Variants in BDP1 observed in about 807,000 individuals in gnomAD.
The protein encoded by BDP1 is transcription factor TFIIIB component B'' homolog.
A neutral mutation model predicts 266.6 loss-of-function variants in BDP1; 169 were observed. That is an observed-to-expected ratio of 0.63 (90% CI 0.56 to 0.72). The LOEUF is 0.72. Ranked by LOEUF, BDP1 falls within the 30% of genes least tolerant of loss-of-function variation. BDP1 has a pLI of 0.00. For missense variants in BDP1, 3,015 were observed against 3,053.8 expected (o/e 0.99, Z 0.30); for synonymous variants, 1,090 against 1,022.4 (o/e 1.07, Z -1.26).
chr5:71,524,031 G>A lies in BDP1; in HGVS notation c.5480G>A (p.Arg1827His). ...ISSTSEYERNRGERRSHKKFK... is the reference protein window; with the variant it reads ...ISSTSEYERNHGERRSHKKFK... ...TCTACATCTGAGTATGAGAGAAATC[G>A]TGGTGAAAGGAGAAGTCATAAAAAG... The change falls in exon 25 of 39, where the codon CGT (arginine) becomes CAT (histidine). Residue 1827 changes from arginine (R) to histidine (H), a missense_variant. Transcript: ENST00000358731. The A allele has an allele frequency of 1.9e-6, 3 of 1,614,184 alleles. No homozygotes were observed. Among genetic ancestry groups the A allele is most frequent in the East Asian group, 2.2e-5 (1 of 44,886 alleles).
In BDP1 at chr5:71,489,476, A is replaced by G. The variant is rs377489969; in HGVS notation, c.1286A>G (p.Glu429Gly). The part of the protein sequence containing the change: ...ESMSSRISDT[E>G]RSQKDAQTVE... ...ATGAGTTCTAGAATTTCAGACACGG[A>G]AAGATCTCAGAAGGATGCTCAGACA... The change falls in exon 10 of 39, where the codon GAA (glutamate) becomes GGA (glycine). Residue 429 changes from glutamate to glycine, a missense_variant. Physicochemically the swap from Glu to Gly is moderately conservative, Grantham distance 98 (BLOSUM62 -2). Around this residue, in one of 3 missense-constraint regions of BDP1, gnomAD observed 2,383 missense variants for 2,404.9 expected, o/e 0.99. Coordinates refer to ENST00000358731, the MANE Select transcript of BDP1 (RefSeq NM_018429.3). The G allele has an allele frequency of 6.2e-7, 1 of 1,614,112 alleles. No homozygotes were observed. The highest frequency in any genetic ancestry group is 8.5e-7 in the Non-Finnish European group (1 of 1,179,942).
intron 38 of BDP1, 169 bp downstream of exon 38, chr5:71,562,689 G>A: frequency 6.7e-7 from 1 of 1,488,540 alleles, no homozygotes; most frequent in South Asian, 1.2e-5. Context: ...AAGAAAAGGT[G>A]TTGAGTCAGG....
At chr5:71,478,164 C>G (rs901781349) in intron 7 of BDP1, among the ~76,000 whole-genome samples, 1 of 152,062 alleles carries the variant, frequency 6.6e-6, no homozygotes, top group Non-Finnish European at 1.5e-5. Context: ...GCAGGAGAGT[C>G]GCTTGAACCC....
At chr5:71,569,484 C>T (rs993522338), downstream of BDP1, among the ~76,000 whole-genome samples, 8 of 151,960 alleles carry the variant, frequency 5.3e-5, no homozygotes, top group East Asian at 1.9e-4. Context: ...CAGTGGCTCA[C>T]GCCTGTAATC....
rs1433640467 is a variant in BDP1 at position 71,495,424 on chromosome 5, G to A, written c.1799+16G>A. On this transcript the variant is annotated intron_variant, in intron 12 of 38. Coordinates refer to ENST00000358731, the MANE Select transcript of BDP1 (RefSeq NM_018429.3). Reference sequence around the variant, plus strand: ...ATAATTCACTGTAAGTATTTTATACGATAGGATTTATTTATAAAATTTTGA... The same window carrying A: ...ATAATTCACTGTAAGTATTTTATACAATAGGATTTATTTATAAAATTTTGA... 4 of 1,515,878 alleles carry A rather than the reference G, an allele frequency of 2.6e-6. No individual in the cohort carries two copies. The African/African-American group carries it at 4.1e-5, about 16-fold the overall frequency. The allele number at this position is 1,515,878 out of a possible 1,614,324, so 93.9% of individuals were successfully genotyped here.
In BDP1 at chr5:71,510,930, G is replaced by A. The variant is rs1350820188; in HGVS notation, c.3838G>A (p.Ala1280Thr). 3 of 1,614,136 alleles carry A rather than the reference G, an allele frequency of 1.9e-6. No homozygotes were observed. The South Asian group carries it at 3.3e-5, about 18-fold the overall frequency. Residue 1280 changes from alanine to threonine, a missense_variant, in exon 17 of 39, where the codon GCA becomes ACA. Physicochemically the swap from Ala to Thr is moderately conservative, Grantham distance 58 (BLOSUM62 0). This residue lies in a region of BDP1 where 2,383 missense variants were observed against 2,404.9 expected (regional missense o/e 0.99). Coordinates refer to ENST00000358731, the MANE Select transcript of BDP1 (RefSeq NM_018429.3). ...GATGGCTGTTGTTGAAGAAATGGAGGCAGATTTGAAAGAAACTGGAAAAGA... is the reference window on the plus strand; with the variant it reads ...GATGGCTGTTGTTGAAGAAATGGAGACAGATTTGAAAGAAACTGGAAAAGA... ...GKMAVVEEMEADLKETGKENF... is the reference protein window; with the variant it reads ...GKMAVVEEMETDLKETGKENF...
rs1764327003 is a variant in BDP1, at chr5:71,502,748, C to A, written c.2198C>A (p.Ala733Asp). The A allele has an allele frequency of 6.2e-7, 1 of 1,613,522 alleles. No individual in the cohort carries two copies. Among genetic ancestry groups the A allele is most frequent in the African/African-American group, 1.3e-5 (1 of 74,790 alleles). The part of the protein sequence containing the change: ...EILISQEEIG[A>D]NVEKNENESC... Reference sequence around the variant, plus strand: ...CTCATATCACAGGAAGAAATTGGGGCCAATGTAGAGAAGAATGAAAATGAA... The same window carrying A: ...CTCATATCACAGGAAGAAATTGGGGACAATGTAGAGAAGAATGAAAATGAA... Residue 733 changes from alanine (A) to aspartate (D), a missense_variant, in exon 15 of 39, where the codon GCC becomes GAC. By Grantham distance (126) the Ala-to-Asp change is moderately radical. This residue lies in a region of BDP1 where 2,383 missense variants were observed against 2,404.9 expected (regional missense o/e 0.99). Coordinates refer to ENST00000358731, the MANE Select transcript of BDP1 (RefSeq NM_018429.3).
Position 71,512,223 on chromosome 5 carries a change from C to T in BDP1, c.4060-18C>T. 7.5e-7 allele frequency: 1 copy of T among 1,341,676 alleles called. No individual in the cohort carries two copies. The highest frequency in any genetic ancestry group is 2.2e-4 in the Middle Eastern group (1 of 4,572). The allele number at this position is 1,341,676 out of a possible 1,614,324, so 83.1% of individuals were successfully genotyped here. A position where few individuals can be genotyped will look rare whatever the true frequency, so the allele number is the denominator to read the frequency against. ...ATACTCTTTTATTTGTGCTGATTTA[C>T]TATGACTGTTCCTCTAGAACATTAG... On this transcript the variant is annotated intron_variant, in intron 17 of 38. Coordinates refer to ENST00000358731, the MANE Select transcript of BDP1 (RefSeq NM_018429.3).
chr5:71,564,990 T>G lies in BDP1; in HGVS notation c.*105T>G. On this transcript the variant is annotated 3_prime_UTR_variant, in exon 39 of 39. Coordinates refer to ENST00000358731, the MANE Select transcript of BDP1 (RefSeq NM_018429.3). ...GCAAAATATCACTGTCTTATTTTTC[T>G]TTAGGTTGATTTTGAATACTTAATG... 9.4e-7 allele frequency: 1 copy of G among 1,060,314 alleles called. No individual in the cohort carries two copies. The highest frequency in any genetic ancestry group is 1.3e-6 in the Non-Finnish European group (1 of 746,134). 65.7% of individuals were successfully genotyped at this position (1,060,314 alleles called of 1,614,324 possible). A position where few individuals can be genotyped will look rare whatever the true frequency, so the allele number is the denominator to read the frequency against.
At chr5:71,578,034 T>G in the BDP1 span, among the ~76,000 whole-genome samples, 1 of 152,178 alleles carries the variant, frequency 6.6e-6, no homozygotes, top group Non-Finnish European at 1.5e-5. Flanking sequence ...CAAACTCGCT[T>G]CTGTGCCTGC....
rs1328883434 is a variant in BDP1, at chr5:71,510,756, A to G, written c.3664A>G (p.Lys1222Glu). ...NGPEEVKPVG[K>E]METDLKEIRE... The stretch of plus-strand genomic sequence containing the variant: ...CCCAGAGGAGGTCAAGCCTGTAGGT[A>G]AAATGGAGACAGATTTGAAAGAAAT... Residue 1222 changes from lysine to glutamate, a missense_variant, in exon 17 of 39, where the codon AAA becomes GAA. Physicochemically the swap from Lys to Glu is moderately conservative, Grantham distance 56. This residue lies in a region of BDP1 where 2,383 missense variants were observed against 2,404.9 expected (regional missense o/e 0.99). Coordinates refer to ENST00000358731, the MANE Select transcript of BDP1 (RefSeq NM_018429.3). 1 of 1,614,094 alleles carries G rather than the reference A, an allele frequency of 6.2e-7. No individual in the cohort carries two copies.
chr5:71,525,269 C>G (rs1249077094), intron 25 of BDP1, among the ~76,000 whole-genome samples: 1 of 132,030 alleles, frequency 7.6e-6, no homozygotes, highest in African/African-American at 2.9e-5. Flanking sequence ...GGGGGCTGAC[C>G]CCCCCCACCT....
At chr5:71,487,966 C>T (rs1763369330) in intron 9 of BDP1, among the ~76,000 whole-genome samples, 1 of 152,126 alleles carries the variant, frequency 6.6e-6, no homozygotes, top group South Asian at 2.1e-4. Context: ...GCTAGAATTT[C>T]TTCTTCTGGG....
At chr5:71,506,796 C>T (rs941685010) in intron 16 of BDP1, among the ~76,000 whole-genome samples, 1 of 119,208 alleles carries the variant, frequency 8.4e-6, no homozygotes, top group Non-Finnish European at 1.9e-5. Context: ...AACACACACA[C>T]ACACACACAC....
chr5:71,539,515 G>T, intron 27 of BDP1, 42 bp from the exon 28 acceptor site: 1 of 1,485,376 alleles, frequency 6.7e-7, no homozygotes. Flanking sequence ...ACAGATTTCC[G>T]GATTCATTCT....
intron 37 of BDP1, among the ~76,000 whole-genome samples, chr5:71,561,665 G>T (rs1393040569): frequency 6.6e-6 from 1 of 152,122 alleles, no homozygotes; most frequent in Non-Finnish European, 1.5e-5. Flanking sequence ...GCTGCATGTG[G>T]CCTGTAGAGC....
chr5:71,484,029 T>A (rs1442168408), intron 8 of BDP1, 133 bp downstream of exon 8: 2 of 713,874 alleles, frequency 2.8e-6, no homozygotes, highest in Non-Finnish European at 4.7e-6. Context: ...CAGTCTGAAA[T>A]TTTTCTGTTT....
intron 19 of BDP1, among the ~76,000 whole-genome samples, chr5:71,514,343 T>C (rs1294745751): frequency 2.0e-5 from 3 of 152,212 alleles, no homozygotes; most frequent in Non-Finnish European, 4.4e-5. Context: ...TATTATACTT[T>C]CTGATTATAG....
chr5:71,539,128 C>T (rs1766808257), intron 27 of BDP1, 50 bp downstream of exon 27: 1 of 1,258,682 alleles, frequency 7.9e-7, no homozygotes, highest in Non-Finnish European at 1.1e-6. Context: ...AACACTAGTA[C>T]AGTGATTTAA....
Sources: allele counts gnomAD v4.1 joint callset (sites outside exome capture counted in the v4.1 genomes callset), GRCh38; gene constraint gnomAD v4.1.1; regional missense constraint gnomAD v4.1.1; transcripts MANE v1.5; gene names NCBI Gene and HGNC (gene_info 2026-07-23, HGNC 2026-07-21).